The following CPPED1 variants were observed in gnomAD, a reference collection of about 807,000 sequenced individuals.
CPPED1 encodes calcineurin like phosphoesterase domain containing 1.
In CPPED1, 28 loss-of-function variants were observed where a neutral mutation model predicts 28.0. The ratio of observed to expected loss-of-function variants is 1.00; its 90% CI spans 0.74 to 1.37. The LOEUF (loss-of-function observed/expected upper bound fraction) is 1.37, where lower values mean the gene tolerates loss of function less well. Ranked by LOEUF, CPPED1 falls within the 40% of genes most tolerant of loss-of-function variation. The pLI is 0.00. For missense variants in CPPED1, 504 were observed against 416.5 expected (o/e 1.21, Z -1.83); for synonymous variants, 198 against 180.2 (o/e 1.10, Z -0.79).
chr16:12,661,477 GA>G lies in CPPED1; in HGVS notation c.*3408del, dbSNP rs2079794016. On this transcript the variant is annotated 3_prime_UTR_variant, in exon 4 of 4. Transcript: ENST00000381774. The stretch of plus-strand genomic sequence containing the variant: ...AAATTATTTATTGTAAAAAGTAAAT[GA>G]TCATCTCCCCAGCCCCATTCCCAAA... 6.6e-6 allele frequency: 1 copy of G among 152,180 alleles called. No homozygotes were observed. The highest frequency in any genetic ancestry group is 1.5e-5 in the Non-Finnish European group (1 of 68,022). The allele number at this position is 152,180 out of a possible 1,614,324, so 9.4% of individuals were successfully genotyped here.
At position 12,704,647 on chromosome 16, in the gene CPPED1, A is replaced by C; in HGVS notation, c.692T>G (p.Leu231Trp). 6.2e-7 allele frequency: 1 copy of C among 1,611,406 alleles called. No individual in the cohort carries two copies. The highest frequency in any genetic ancestry group is 8.5e-7 in the Non-Finnish European group (1 of 1,177,794). ...FNLSKSTRKK[L>W]ADKFIHAGVK... ...ACCTGCGTGGATGAACTTGTCTGCC[A>C]ACTTCTTCCGAGTGGACTTGCTGAG... The change falls in exon 3 of 4, where the codon TTG becomes TGG. Residue 231 changes from leucine to tryptophan, a missense_variant. Physicochemically the swap from Leu to Trp is moderately conservative, Grantham distance 61. Transcript: ENST00000381774.
intron 2 of CPPED1, among the ~76,000 whole-genome samples, chr16:12,713,760 C>T (rs28414373): frequency 0.02 from 3,049 of 152,078 alleles, 59 homozygotes; most frequent in Middle Eastern, 0.054. Flanking sequence ...AGACTTTTTC[C>T]TAATCTCCCC....
At chr16:12,674,533 C>T (rs965723374) in intron 3 of CPPED1, among the ~76,000 whole-genome samples, 3 of 152,128 alleles carry the variant, frequency 2.0e-5, no homozygotes, top group South Asian at 2.1e-4. Flanking sequence ...TAAGGGCAAC[C>T]GCTCCAGGTG....
intron 3 of CPPED1, among the ~76,000 whole-genome samples, chr16:12,672,012 G>A (rs899960610): frequency 6.6e-6 from 1 of 152,226 alleles, no homozygotes; most frequent in Non-Finnish European, 1.5e-5. Flanking sequence ...GTTGCCTGCA[G>A]TATCCAGTAC....
chr16:12,666,758 G>A (rs957998402), intron 3 of CPPED1, among the ~76,000 whole-genome samples: 1 of 152,172 alleles, frequency 6.6e-6, no homozygotes, highest in Non-Finnish European at 1.5e-5. Flanking sequence ...GAATTACAAA[G>A]TGATCAGTTT....
At chr16:12,787,687 G>C (rs1054869722) in intron 1 of CPPED1, among the ~76,000 whole-genome samples, 5 of 152,140 alleles carry the variant, frequency 3.3e-5, no homozygotes, top group African/African-American at 1.2e-4. Flanking sequence ...TTACAGGCAT[G>C]AGCCACCACA....
intron 2 of CPPED1, among the ~76,000 whole-genome samples, chr16:12,718,995 G>A (rs188126644): frequency 5.9e-5 from 9 of 152,148 alleles, no homozygotes; most frequent in Non-Finnish European, 1.2e-4. Context: ...GTTTCATGTG[G>A]CTGGGGAGGC....
At chr16:12,674,317 C>G (rs943577555) in intron 3 of CPPED1, among the ~76,000 whole-genome samples, 4 of 152,138 alleles carry the variant, frequency 2.6e-5, no homozygotes, top group African/African-American at 4.8e-5. Flanking sequence ...GTTCAAGGCT[C>G]TGGCATGTTC....
chr16:12,774,236 C>T lies in CPPED1; in HGVS notation c.289+6949G>A, dbSNP rs907249362. ...CCTATAATCCCAGCACTTTGGGAGG[C>T]GAGGAGGGCAATCACTTGAGGTCAG... On this transcript the variant is annotated intron_variant, in intron 2 of 3. Coordinates refer to ENST00000381774, the MANE Select transcript of CPPED1 (RefSeq NM_018340.3). 8.5e-5 allele frequency among the ~76,000 whole-genome samples: 13 copies of T among 152,132 alleles called. No individual in the cohort carries two copies. In the East Asian group the frequency reaches 2.3e-3, roughly 27 times the overall value.
intron 3 of CPPED1, among the ~76,000 whole-genome samples, chr16:12,671,776 G>A (rs191692010): frequency 3.0e-4 from 46 of 152,220 alleles, no homozygotes; most frequent in African/African-American, 1.0e-3. Flanking sequence ...CCCTACCATG[G>A]ACGTTTTAGT....
At chr16:12,780,085 G>A (rs1052361726) in intron 2 of CPPED1, among the ~76,000 whole-genome samples, 2 of 152,136 alleles carry the variant, frequency 1.3e-5, no homozygotes, top group African/African-American at 4.8e-5. Flanking sequence ...CTGTTCTTTA[G>A]GGCACGTGGT....
intron 3 of CPPED1, among the ~76,000 whole-genome samples, chr16:12,693,133 G>A (rs2079972043): frequency 6.6e-6 from 1 of 152,186 alleles, no homozygotes; most frequent in Admixed American, 6.5e-5. Flanking sequence ...CCGAAGACCT[G>A]GAGAAGGCAC....
Position 12,660,579 on chromosome 16 carries a change from T to A in CPPED1, c.*4307A>T, listed in dbSNP as rs2079788717. 6.6e-6 allele frequency: 1 copy of A among 152,042 alleles called. No individual in the cohort carries two copies. The highest frequency in any genetic ancestry group is 2.4e-5 in the African/African-American group (1 of 41,402). The allele number at this position is 152,042 out of a possible 1,614,324, so 9.4% of individuals were successfully genotyped here. On this transcript the variant is annotated 3_prime_UTR_variant, in exon 4 of 4. Transcript: ENST00000381774. ...AGAGCTCCTCCATGGCTTGAGAATATTTTATGAAGTTATAAAAATCAGTAT... is the reference window on the plus strand; with the variant it reads ...AGAGCTCCTCCATGGCTTGAGAATAATTTATGAAGTTATAAAAATCAGTAT...
intron 1 of CPPED1, among the ~76,000 whole-genome samples, chr16:12,798,425 A>C (rs977555432): frequency 6.6e-6 from 1 of 152,240 alleles, no homozygotes; most frequent in Non-Finnish European, 1.5e-5. Context: ...AACTTTGTTC[A>C]AACTTGGAGA....
At chr16:12,726,139 T>C (rs1258831922) in intron 2 of CPPED1, among the ~76,000 whole-genome samples, 1 of 151,298 alleles carries the variant, frequency 6.6e-6, no homozygotes, top group African/African-American at 2.4e-5. Context: ...CCTCCTGGGT[T>C]CAAACGATCC....
intron 2 of CPPED1, among the ~76,000 whole-genome samples, chr16:12,744,212 C>T (rs1206865217): frequency 6.6e-6 from 1 of 150,954 alleles, no homozygotes; most frequent in Non-Finnish European, 1.5e-5. Flanking sequence ...GGAGGCGGAG[C>T]TTGCAGTGAG....
chr16:12,788,833 T>A (rs1157388027), intron 1 of CPPED1, among the ~76,000 whole-genome samples: 1 of 152,154 alleles, frequency 6.6e-6, no homozygotes, highest in Non-Finnish European at 1.5e-5. Flanking sequence ...ACAAAGACAA[T>A]GATGGCAAGA....
intron 2 of CPPED1, among the ~76,000 whole-genome samples, chr16:12,716,908 C>T (rs538294669): frequency 1.3e-5 from 2 of 151,242 alleles, no homozygotes; most frequent in South Asian, 4.2e-4. Flanking sequence ...AGTTACGACA[C>T]GGAAGCACTG....
intron 2 of CPPED1, among the ~76,000 whole-genome samples, chr16:12,780,732 T>TAAA (rs11321645): frequency 4.3e-5 from 6 of 140,350 alleles, no homozygotes; most frequent in African/African-American, 8.0e-5. Flanking sequence ...ACACATACCT[T>TAAA]AAAAAAAAAA....
Sources: gnomAD v4.1 joint callset for allele counts (sites outside exome capture counted in the v4.1 genomes callset) on GRCh38, gnomAD v4.1.1 for gene constraint, MANE v1.5 for transcripts, NCBI Gene and HGNC (gene_info 2026-07-23, HGNC 2026-07-21) for gene names.